Variants in STK32B observed in about 807,000 individuals in gnomAD.
STK32B encodes serine/threonine kinase 32B.
In STK32B, 43 loss-of-function variants were observed where a neutral mutation model predicts 52.6. The observed-to-expected ratio is 0.82, with a 90% CI of 0.64 to 1.05. The LOEUF is 1.05. STK32B is among the 50% of genes least tolerant of loss of function. The probability of loss-of-function intolerance (pLI) is 0.00; values close to 1 mark genes in which losing one functional copy is unlikely to be tolerated. For missense variants in STK32B, 621 were observed against 534.6 expected (o/e 1.16, Z -1.59); for synonymous variants, 238 against 204.3 (o/e 1.17, Z -1.41).
rs1158856804 is a variant in STK32B at position 5,398,168 on chromosome 4, C to G, written c.435-39C>G. 4 of 1,612,566 alleles carry G rather than the reference C, an allele frequency of 2.5e-6. No homozygotes were observed. The highest frequency in any genetic ancestry group is 3.4e-6 in the Non-Finnish European group (4 of 1,179,362). ...TTGTCTATGTGCTCATCTGTGGGCTCAGGAACCACATTGCCAGCTTCTTTG... is the reference window on the plus strand; with the variant it reads ...TTGTCTATGTGCTCATCTGTGGGCTGAGGAACCACATTGCCAGCTTCTTTG... On this transcript the variant is annotated intron_variant, in intron 4 of 11. Coordinates refer to ENST00000282908, the MANE Select transcript of STK32B (RefSeq NM_018401.3). The surrounding 1 kb of genome is among the most constrained non-coding windows in gnomAD (Gnocchi z 4.9).
chr4:5,246,278 A>C (rs947192494), intron 3 of STK32B, among the ~76,000 whole-genome samples: 1 of 151,934 alleles, frequency 6.6e-6, no homozygotes, highest in African/African-American at 2.4e-5. Flanking sequence ...ATTTCTTTTT[A>C]TTCTTTTTTC....
intron 6 of STK32B, among the ~76,000 whole-genome samples, chr4:5,434,898 G>A (rs1487003228): frequency 6.6e-6 from 1 of 152,146 alleles, no homozygotes; most frequent in Non-Finnish European, 1.5e-5. Context: ...GCCACTATTC[G>A]TAATAATAGT....
intron 3 of STK32B, among the ~76,000 whole-genome samples, chr4:5,178,433 T>C (rs1239266726): frequency 1.3e-5 from 2 of 152,234 alleles, no homozygotes; most frequent in South Asian, 4.1e-4. Context: ...GAGGGGCTGC[T>C]GTGAAGGTCT....
At chr4:5,177,794 TC>T (rs1720037555) in intron 3 of STK32B, among the ~76,000 whole-genome samples, 1 of 152,286 alleles carries the variant, frequency 6.6e-6, no homozygotes, top group East Asian at 1.9e-4. Context: ...ACCTTTAAGT[TC>T]CAAAATGATC....
intron 11 of STK32B, among the ~76,000 whole-genome samples, chr4:5,482,821 C>G (rs1718831264): frequency 6.6e-6 from 1 of 152,094 alleles, no homozygotes; most frequent in African/African-American, 2.4e-5. Context: ...TGTCAAAGGC[C>G]TTTTCTGCAT....
chr4:5,093,394 C>G (rs2108785630), intron 1 of STK32B, among the ~76,000 whole-genome samples: 1 of 152,272 alleles, frequency 6.6e-6, no homozygotes, highest in South Asian at 2.1e-4. Flanking sequence ...AATTTCATAG[C>G]CACCTCCTGT....
intron 3 of STK32B, among the ~76,000 whole-genome samples, chr4:5,216,174 G>C (rs563072075): frequency 6.6e-6 from 1 of 152,276 alleles, no homozygotes; most frequent in South Asian, 2.1e-4. Context: ...CAGAGTTCCT[G>C]ATTTAGTGGA....
chr4:5,464,734 G>A (rs927886133), intron 9 of STK32B, among the ~76,000 whole-genome samples: 1 of 152,138 alleles, frequency 6.6e-6, no homozygotes, highest in Non-Finnish European at 1.5e-5. Context: ...GCAAGGTTAG[G>A]CAACTTGCCC....
chr4:5,449,323 T>A (rs1715766900), intron 7 of STK32B, among the ~76,000 whole-genome samples: 1 of 152,200 alleles, frequency 6.6e-6, no homozygotes, highest in African/African-American at 2.4e-5. Context: ...AGCCTGGGTG[T>A]GACAGAGCAA....
At chr4:5,336,516 C>T (rs550415379) in intron 4 of STK32B, among the ~76,000 whole-genome samples, 8 of 151,744 alleles carry the variant, frequency 5.3e-5, no homozygotes, top group South Asian at 2.1e-4. Flanking sequence ...TATGTTCAGA[C>T]GATAAAAGAA....
intron 3 of STK32B, among the ~76,000 whole-genome samples, chr4:5,327,834 C>G (rs1020097554): frequency 6.6e-6 from 1 of 152,216 alleles, no homozygotes; most frequent in Non-Finnish European, 1.5e-5. Flanking sequence ...TCCTCTCCAG[C>G]TATGAAAGTC....
In STK32B at chr4:5,051,901, A is replaced by G. The variant is rs1443032951; in HGVS notation, c.38A>G (p.Asp13Gly). Residue 13 changes from aspartate to glycine, a missense_variant, in exon 1 of 12, where the codon GAC becomes GGC. By Grantham distance (94) the Asp-to-Gly change is moderately conservative. Transcript: ENST00000282908. ...GNHSHKPPVF[D>G]ENEEVNFDHF... ...CACTCCCACAAGCCCCCCGTGTTTGACGAGAATGAGGAAGGTAAGAGAGCG... is the reference window on the plus strand; with the variant it reads ...CACTCCCACAAGCCCCCCGTGTTTGGCGAGAATGAGGAAGGTAAGAGAGCG... The G allele has an allele frequency of 6.3e-7, 1 of 1,599,122 alleles. No homozygotes were observed.
At chr4:5,377,728 A>G (rs146483192) in intron 4 of STK32B, among the ~76,000 whole-genome samples, 1,705 of 152,218 alleles carry the variant, frequency 0.011, 20 homozygotes, top group South Asian at 0.056. Flanking sequence ...TGATGGTTTT[A>G]TAAGGCAGTT....
intron 1 of STK32B, among the ~76,000 whole-genome samples, chr4:5,068,313 A>T (rs1711547489): frequency 2.0e-5 from 3 of 152,124 alleles, no homozygotes. Context: ...TCATGTTCAT[A>T]ATACCACTCT....
rs79480281 is a variant in STK32B at position 5,058,603 on chromosome 4, G to A, written c.52+6688G>A. Among the ~76,000 whole-genome samples the A allele has an allele frequency of 0.026, 3,995 of 151,990 alleles. 179 individuals are homozygous for A. Among genetic ancestry groups the A allele is most frequent in the African/African-American group, 0.091 (3,760 of 41,434 alleles). Reference sequence around the variant, plus strand: ...TTGTTTTTGAGACAGGGTCTCTGGCGCCCAGCTGGAGTGCAGTGGTGTGAT... The same window carrying A: ...TTGTTTTTGAGACAGGGTCTCTGGCACCCAGCTGGAGTGCAGTGGTGTGAT... On this transcript the variant is annotated intron_variant, in intron 1 of 11. Transcript: ENST00000282908. This position sits in a 1 kb window ranked among gnomAD's most constrained non-coding sequence, Gnocchi z 4.8.
At chr4:5,049,991 G>A (rs942222831), upstream of STK32B, among the ~76,000 whole-genome samples, 2 of 152,192 alleles carry the variant, frequency 1.3e-5, no homozygotes, top group Non-Finnish European at 2.9e-5. Context: ...AACAGGTTAA[G>A]TAATTTATCC....
At chr4:5,285,516 A>G (rs1298791054) in intron 3 of STK32B, among the ~76,000 whole-genome samples, 5 of 152,218 alleles carry the variant, frequency 3.3e-5, no homozygotes, top group East Asian at 3.9e-4. Context: ...GAAAAGAATT[A>G]TAGTACAAAT....
intron 3 of STK32B, among the ~76,000 whole-genome samples, chr4:5,206,687 C>T (rs1478460994): frequency 6.6e-6 from 1 of 152,082 alleles, no homozygotes; most frequent in African/African-American, 2.4e-5. Flanking sequence ...GGCCCATCTG[C>T]AAAACATTTC....
intron 1 of STK32B, among the ~76,000 whole-genome samples, chr4:5,135,948 A>G (rs1272231108): frequency 2.6e-5 from 4 of 152,234 alleles, no homozygotes; most frequent in Non-Finnish European, 4.4e-5. Context: ...GGTAGTTCCC[A>G]AAGTGCAGTC....
Sources: gnomAD v4.1 joint callset for allele counts (sites outside exome capture counted in the v4.1 genomes callset) on GRCh38, gnomAD v4.1.1 for gene constraint, Gnocchi (gnomAD v3.1) non-coding constraint, MANE v1.5 for transcripts, NCBI Gene and HGNC (gene_info 2026-07-23, HGNC 2026-07-21) for gene names.